Variants in CLDN16 observed in about 807,000 individuals in gnomAD.
The protein encoded by CLDN16 is claudin 16, also known as claudin-16.
CLDN16 carries 13 observed loss-of-function variants against 24.6 expected under a neutral mutation model. That is an observed-to-expected ratio of 0.53 (90% CI 0.34 to 0.84). CLDN16 has a LOEUF of 0.84. Ranked by LOEUF, CLDN16 falls within the 40% of genes least tolerant of loss-of-function variation. The pLI is 0.01. For synonymous variants in CLDN16, 116 were observed against 106.7 expected, an observed-to-expected ratio of 1.09 and a Z score of -0.54; for missense variants, 298 against 292.7, an observed-to-expected ratio of 1.02 and a Z score of -0.13.
chr3:190,337,841 C>T (rs1425355114), intron 1 of CLDN16, among the ~76,000 whole-genome samples: 1 of 152,108 alleles, frequency 6.6e-6, no homozygotes, highest in Non-Finnish European at 1.5e-5. Flanking sequence ...TCAAGAGAAC[C>T]CCTTTATGGC....
At chr3:190,400,422 G>A (rs1272220377) in intron 1 of CLDN16, among the ~76,000 whole-genome samples, 2 of 151,782 alleles carry the variant, frequency 1.3e-5, no homozygotes, top group African/African-American at 4.8e-5. Flanking sequence ...TAGTAGAGAC[G>A]GGGTTTCACC....
chr3:190,393,056 TA>T (rs1718720427), intron 1 of CLDN16, among the ~76,000 whole-genome samples: 1 of 152,014 alleles, frequency 6.6e-6, no homozygotes, highest in Non-Finnish European at 1.5e-5. Context: ...CATGAAGAAA[TA>T]TGAAATAAGG....
Position 190,360,917 on chromosome 3 carries a change from C to T in CLDN16, n.122-9976C>T, listed in dbSNP as rs144358202. On this transcript the variant is annotated intron_variant and non_coding_transcript_variant, in intron 1 of 4. Coordinates refer to the CLDN16 transcript ENST00000468220. ...ACAAAAACATACACATATTTACCCC[C>T]ACTGTTCTTTGTGCTATTATTAAAT... 1.6e-3 allele frequency among the ~76,000 whole-genome samples: 249 copies of T among 152,074 alleles called. 2 individuals are homozygous for T. Among genetic ancestry groups the T allele is most frequent in the African/African-American group, 4.9e-3 (202 of 41,536 alleles).
chr3:190,345,049 T>C (rs141772439), intron 1 of CLDN16, among the ~76,000 whole-genome samples: 10 of 152,254 alleles, frequency 6.6e-5, no homozygotes, highest in Middle Eastern at 3.4e-3. Flanking sequence ...CTGAAATTTG[T>C]AGATTTAAAG....
chr3:190,377,721 T>C (rs1023352178), intron 3 of CLDN16, among the ~76,000 whole-genome samples: 1 of 152,016 alleles, frequency 6.6e-6, no homozygotes, highest in Non-Finnish European at 1.5e-5. Context: ...GCAAGATGTG[T>C]GTGTAAATTC....
At chr3:190,315,471 T>C in the CLDN16 span, among the ~76,000 whole-genome samples, 1 of 152,154 alleles carries the variant, frequency 6.6e-6, no homozygotes, top group African/African-American at 2.4e-5. Flanking sequence ...AGATGGATTC[T>C]ATTCTAAGTA....
At chr3:190,328,660 A>G (rs1717120549) in intron 1 of CLDN16, among the ~76,000 whole-genome samples, 1 of 151,430 alleles carries the variant, frequency 6.6e-6, no homozygotes, top group Admixed American at 6.6e-5. Flanking sequence ...TACATAAGGG[A>G]GAGAACATTC....
In CLDN16 at chr3:190,358,093, G is replaced by GA. The variant is rs556589639; in HGVS notation, n.122-12792dup. On this transcript the variant is annotated intron_variant and non_coding_transcript_variant, in intron 1 of 4. Coordinates refer to the CLDN16 transcript ENST00000468220. ...CGTATTGGTGGATAAGCAGTATTACGAAAAAAAAGAAAAGAATCTGGATCT... is the reference window on the plus strand; with the variant it reads ...CGTATTGGTGGATAAGCAGTATTACGAAAAAAAAAGAAAAGAATCTGGATCT... Among the ~76,000 whole-genome samples, 331 of 151,236 alleles carry GA rather than the reference G, an allele frequency of 2.2e-3. 4 individuals are homozygous for GA. Among genetic ancestry groups the GA allele is most frequent in the African/African-American group, 7.2e-3 (298 of 41,332 alleles).
the CLDN16 span, chr3:190,312,957 G>A: frequency 1.9e-6 from 3 of 1,614,146 alleles, no homozygotes; most frequent in Non-Finnish European, 2.5e-6. Flanking sequence ...TACACTTCAT[G>A]CCAACGGTGG....
chr3:190,393,745 G>GT (rs1718739384), intron 1 of CLDN16, among the ~76,000 whole-genome samples: 1 of 109,138 alleles, frequency 9.2e-6, no homozygotes, highest in African/African-American at 3.4e-5. Context: ...GCTGTCATTT[G>GT]CCTTTTTTTT....
the CLDN16 span, among the ~76,000 whole-genome samples, chr3:190,300,142 C>T: frequency 2.0e-5 from 3 of 152,328 alleles, no homozygotes; most frequent in South Asian, 6.2e-4. Flanking sequence ...GAATCTTCCA[C>T]GGAGTGGGAG....
intron 1 of CLDN16, among the ~76,000 whole-genome samples, chr3:190,349,376 G>GT (rs1717623985): frequency 6.6e-6 from 1 of 152,162 alleles, no homozygotes; most frequent in African/African-American, 2.4e-5. Flanking sequence ...TGCCATGATT[G>GT]TAAGTTTCCT....
intron 1 of CLDN16, among the ~76,000 whole-genome samples, chr3:190,362,912 G>T (rs1468418622): frequency 2.0e-5 from 3 of 151,796 alleles, no homozygotes; most frequent in African/African-American, 7.3e-5. Flanking sequence ...GCTCACCTTA[G>T]TTTTGGTTTT....
intron 2 of CLDN16, among the ~76,000 whole-genome samples, chr3:190,372,019 G>T (rs1363424141): frequency 6.6e-6 from 1 of 151,980 alleles, no homozygotes; most frequent in Non-Finnish European, 1.5e-5. Flanking sequence ...TCTTAGTCTG[G>T]CTCTGAGCAC....
chr3:190,370,077 G>A (rs191478769), intron 1 of CLDN16, among the ~76,000 whole-genome samples: 1 of 151,908 alleles, frequency 6.6e-6, no homozygotes, highest in Non-Finnish European at 1.5e-5. Flanking sequence ...AAAGGCAAGA[G>A]CACTAAATGG....
chr3:190,291,709 A>AAAT, the CLDN16 span, among the ~76,000 whole-genome samples: 184 of 151,926 alleles, frequency 1.2e-3, no homozygotes, highest in East Asian at 3.5e-3. Context: ...GGAGCCTGTA[A>AAAT]AATAATAATA....
chr3:190,358,225 C>A (rs1717817650), intron 1 of CLDN16, among the ~76,000 whole-genome samples: 1 of 151,750 alleles, frequency 6.6e-6, no homozygotes. Context: ...CCTCAAATTT[C>A]TGTAAGCCCA....
intron 1 of CLDN16, among the ~76,000 whole-genome samples, chr3:190,364,488 G>A (rs147784219): frequency 6.6e-6 from 1 of 151,964 alleles, no homozygotes; most frequent in African/African-American, 2.4e-5. Context: ...GTTGTCCCAC[G>A]GGTAGATCCT....
intron 1 of CLDN16, among the ~76,000 whole-genome samples, chr3:190,333,592 TC>T (rs1717233704): frequency 1.3e-5 from 2 of 151,926 alleles, no homozygotes; most frequent in African/African-American, 4.8e-5. Flanking sequence ...CAATCATCTT[TC>T]TATAAATCTA....
Sources: allele counts gnomAD v4.1 joint callset (sites outside exome capture counted in the v4.1 genomes callset), GRCh38; gene constraint gnomAD v4.1.1; transcripts MANE v1.5; gene names NCBI Gene and HGNC (gene_info 2026-07-23, HGNC 2026-07-21).